The following DSCAML1 variants were observed in gnomAD, a reference collection of about 807,000 sequenced individuals.
The protein encoded by DSCAML1 is cell adhesion molecule DSCAML1.
DSCAML1 carries 38 observed loss-of-function variants against 200.5 expected under a neutral mutation model. That is an observed-to-expected ratio of 0.19 (90% CI 0.15 to 0.25). The LOEUF is 0.25. Ranked by LOEUF, DSCAML1 falls within the 10% of genes least tolerant of loss-of-function variation. DSCAML1 has a pLI of 1.00. For synonymous variants in DSCAML1, 1,215 were observed against 1,165.0 expected (o/e 1.04, Z -0.87); for missense variants, 2,223 against 2,858.8 (o/e 0.78, Z 5.07).
chr11:117,803,965 T>C (rs535022780), intron 1 of DSCAML1, among the ~76,000 whole-genome samples: 1 of 152,324 alleles, frequency 6.6e-6, no homozygotes, highest in Admixed American at 6.5e-5. Context: ...CGTAACGCCT[T>C]CCACGGTCTC....
chr11:117,757,946 C>T (rs1267214633), intron 3 of DSCAML1, among the ~76,000 whole-genome samples: 3 of 151,962 alleles, frequency 2.0e-5, no homozygotes, highest in Admixed American at 6.6e-5. Flanking sequence ...GCCGAGATGG[C>T]GCCATTGCAT....
chr11:117,816,676 A>C (rs2055810447), intron 1 of DSCAML1, among the ~76,000 whole-genome samples: 1 of 151,012 alleles, frequency 6.6e-6, no homozygotes, highest in African/African-American at 2.4e-5. Flanking sequence ...CACGCCCTCC[A>C]CTCCCACCCG....
chr11:117,556,607 G>A (rs1028303237), intron 3 of DSCAML1, among the ~76,000 whole-genome samples: 1 of 152,176 alleles, frequency 6.6e-6, no homozygotes, highest in African/African-American at 2.4e-5. Context: ...GCATCCCATG[G>A]ACCTACCCTA....
intron 3 of DSCAML1, among the ~76,000 whole-genome samples, chr11:117,628,047 C>A (rs763999697): frequency 3.9e-5 from 6 of 152,146 alleles, no homozygotes; most frequent in Admixed American, 1.3e-4. Context: ...TTGCATAAAG[C>A]CCTTTCATCA....
At chr11:117,461,380 C>G (rs569926415) in intron 18 of DSCAML1, 70 bp downstream of exon 18, 2 of 1,599,990 alleles carry the variant, frequency 1.3e-6, no homozygotes, top group Non-Finnish European at 1.7e-6. Flanking sequence ...GCTCTAACTA[C>G]GCCTGGAAGC....
intron 3 of DSCAML1, among the ~76,000 whole-genome samples, chr11:117,775,197 C>T (rs2055108949): frequency 6.6e-6 from 1 of 152,166 alleles, no homozygotes; most frequent in Non-Finnish European, 1.5e-5. Context: ...TGAATGATTG[C>T]TTTGGCTCTT....
At chr11:117,620,926 A>C (rs2051915143) in intron 3 of DSCAML1, among the ~76,000 whole-genome samples, 1 of 152,242 alleles carries the variant, frequency 6.6e-6, no homozygotes, top group Admixed American at 6.5e-5. Flanking sequence ...AATGCATGTA[A>C]AAGTGCTTCA....
rs377192420 is a variant in DSCAML1, at chr11:117,776,877, G to A, written c.425C>T (p.Ala142Val). 7.4e-6 allele frequency: 12 copies of A among 1,614,064 alleles called. No individual in the cohort carries two copies. Among genetic ancestry groups the A allele is most frequent in the African/African-American group, 2.7e-5 (2 of 74,936 alleles). The stretch of plus-strand genomic sequence containing the variant: ...AGAGGGGATGAGGCACTTGAAGACG[G>A]CCACGTTGCCACGCATTGACCTTTG... ...EDQRSMRGNV[A>V]VFKCLIPSSV... Residue 142 changes from alanine (A) to valine (V), a missense_variant, in exon 3 of 33, where the codon GCC becomes GTC. By Grantham distance (64) the Ala-to-Val change is moderately conservative. Transcript: ENST00000651296.
intron 3 of DSCAML1, among the ~76,000 whole-genome samples, chr11:117,693,649 T>C (rs574084178): frequency 6.6e-6 from 1 of 152,250 alleles, no homozygotes; most frequent in Admixed American, 6.5e-5. Flanking sequence ...CTGGGCCCCG[T>C]GATGCTACTA....
At chr11:117,460,286 G>A (rs1565701527) in intron 18 of DSCAML1, among the ~76,000 whole-genome samples, 1 of 152,188 alleles carries the variant, frequency 6.6e-6, no homozygotes, top group East Asian at 1.9e-4. Context: ...CTGAGCTAGA[G>A]CCCTCTGCTT....
chr11:117,461,070 C>CG (rs59983831), intron 18 of DSCAML1, among the ~76,000 whole-genome samples: 95,988 of 151,456 alleles, frequency 0.63, 31,404 homozygotes, highest in East Asian at 0.91. Context: ...AATATCAACA[C>CG]TGAAACTAGA....
At chr11:117,728,815 C>T (rs1372692493) in intron 3 of DSCAML1, among the ~76,000 whole-genome samples, 3 of 152,036 alleles carry the variant, frequency 2.0e-5, no homozygotes, top group Non-Finnish European at 4.4e-5. Context: ...GAAGGATATC[C>T]CATGTTCATA....
At chr11:117,628,611 C>T (rs2052105359) in intron 3 of DSCAML1, among the ~76,000 whole-genome samples, 1 of 152,198 alleles carries the variant, frequency 6.6e-6, no homozygotes, top group Admixed American at 6.5e-5. Context: ...CCTCCTTGGA[C>T]TTGCACTATC....
At chr11:117,484,920 T>C (rs1190266638) in intron 11 of DSCAML1, among the ~76,000 whole-genome samples, 1 of 150,530 alleles carries the variant, frequency 6.6e-6, no homozygotes, top group Non-Finnish European at 1.5e-5. Flanking sequence ...TGTGTGTGTG[T>C]GTGTGTGTGT....
intron 11 of DSCAML1, among the ~76,000 whole-genome samples, chr11:117,494,316 A>C (rs1482119467): frequency 1.3e-5 from 2 of 152,210 alleles, no homozygotes; most frequent in Non-Finnish European, 2.9e-5. Flanking sequence ...GCAGCCACAG[A>C]CAACACAACA....
At chr11:117,588,900 A>G (rs901708271) in intron 3 of DSCAML1, among the ~76,000 whole-genome samples, 2 of 152,014 alleles carry the variant, frequency 1.3e-5, no homozygotes, top group Non-Finnish European at 2.9e-5. Flanking sequence ...GACAAGAAGG[A>G]GCATCAGTCT....
At chr11:117,618,058 C>A (rs888773717) in intron 3 of DSCAML1, among the ~76,000 whole-genome samples, 2 of 152,198 alleles carry the variant, frequency 1.3e-5, no homozygotes, top group African/African-American at 4.8e-5. Flanking sequence ...CTCAACAATA[C>A]CTATTTCAGG....
At chr11:117,496,071 C>G (rs1007780440) in intron 11 of DSCAML1, among the ~76,000 whole-genome samples, 3 of 152,210 alleles carry the variant, frequency 2.0e-5, no homozygotes, top group African/African-American at 7.2e-5. Context: ...CCTTCCAAAC[C>G]CAATCAAGCC....
At position 117,437,165 on chromosome 11, in the gene DSCAML1, G is replaced by A. The variant is rs376657003; in HGVS notation, c.4677C>T (p.Cys1559=). The change falls in exon 26 of 33, where the codon TGC becomes TGT. Residue 1559 remains cysteine (C), a synonymous_variant. Coordinates refer to ENST00000651296, the MANE Select transcript of DSCAML1 (RefSeq NM_020693.4). The surrounding 1 kb of genome is among the most constrained non-coding windows in gnomAD (Gnocchi z 5.3). ...LRMRACNSAG[C]GNETAQFATL... is the part of the protein sequence containing the mutation. ...TGGCGAACTGGGCTGTTTCATTGCCGCAGCCCGCACTGTTGCAAGCCCTCA... is the reference window on the plus strand; with the variant it reads ...TGGCGAACTGGGCTGTTTCATTGCCACAGCCCGCACTGTTGCAAGCCCTCA... 33 of 1,613,920 alleles carry A rather than the reference G, an allele frequency of 2.0e-5. No homozygotes were observed. Among genetic ancestry groups the A allele is most frequent in the East Asian group, 6.7e-5 (3 of 44,888 alleles).
Sources: gnomAD v4.1 joint callset for allele counts (sites outside exome capture counted in the v4.1 genomes callset) on GRCh38, gnomAD v4.1.1 for gene constraint, Gnocchi (gnomAD v3.1) non-coding constraint, MANE v1.5 for transcripts, NCBI Gene and HGNC (gene_info 2026-07-23, HGNC 2026-07-21) for gene names.